Variants in CFAP91 observed in about 807,000 individuals in gnomAD.
The protein encoded by CFAP91 is cilia- and flagella-associated protein 91.
CFAP91 carries 85 observed loss-of-function variants against 95.9 expected under a neutral mutation model. The ratio of observed to expected loss-of-function variants is 0.89; its 90% confidence interval spans 0.74 to 1.06. The LOEUF (loss-of-function observed/expected upper bound fraction) is 1.06. Among genes scored for constraint, CFAP91 ranks in the 50% least tolerant of loss-of-function variants. The probability of loss-of-function intolerance (pLI) is 0.00; values close to 1 mark genes in which losing one functional copy is unlikely to be tolerated. For synonymous variants in CFAP91, 335 were observed against 327.5 expected, an observed-to-expected ratio of 1.02 and a Z score of -0.25; for missense variants, 962 against 943.4, an observed-to-expected ratio of 1.02 and a Z score of -0.26.
intron 6 of CFAP91, among the ~76,000 whole-genome samples, chr3:119,722,612 C>T (rs1218254753): frequency 6.6e-6 from 1 of 152,042 alleles, no homozygotes; most frequent in Non-Finnish European, 1.5e-5. Context: ...CCCCATCCTC[C>T]CAAGTAGCTG....
chr3:119,758,015 T>C (rs941028438), intron 17 of CFAP91, among the ~76,000 whole-genome samples: 2 of 152,214 alleles, frequency 1.3e-5, no homozygotes, highest in Non-Finnish European at 2.9e-5. Context: ...CTATAATTTT[T>C]TGTTTTTTAT....
At chr3:119,759,480 C>T (rs986544972) in intron 17 of CFAP91, among the ~76,000 whole-genome samples, 3 of 151,862 alleles carry the variant, frequency 2.0e-5, no homozygotes, top group African/African-American at 7.2e-5. Context: ...TTAGGCTGCA[C>T]ATTGCTTTTA....
intron 5 of CFAP91, among the ~76,000 whole-genome samples, chr3:119,711,081 T>C (rs978840337): frequency 6.6e-6 from 1 of 152,216 alleles, no homozygotes. Flanking sequence ...CAAGGGTGCA[T>C]TTAAAGAATA....
chr3:119,744,235 A>G, intron 14 of CFAP91, 39 bp downstream of exon 14: 1 of 1,517,784 alleles, frequency 6.6e-7, no homozygotes, highest in South Asian at 1.2e-5. Flanking sequence ...GCTGCCTAGA[A>G]GGAGCCAAGT....
Position 119,743,948 on chromosome 3 carries a change from C to T in CFAP91, c.1681-27C>T, listed in dbSNP as rs370028524. The T allele has an allele frequency of 1.1e-4, 171 of 1,555,444 alleles. No homozygotes were observed. The African/African-American group carries it at 1.9e-3, about 18-fold the overall frequency. On this transcript the variant is annotated intron_variant, in intron 13 of 17. Coordinates refer to ENST00000273390, the MANE Select transcript of CFAP91 (RefSeq NM_033364.4). ...TCACCACTCATAATGGAATTTGTGT[C>T]CTTAAAGTTATGTTATTCTTTTCAA...
At chr3:119,722,313 G>T (rs1436678040) in intron 6 of CFAP91, among the ~76,000 whole-genome samples, 1 of 152,004 alleles carries the variant, frequency 6.6e-6, no homozygotes, top group Non-Finnish European at 1.5e-5. Context: ...AGAGAAATTA[G>T]CTGGGCATGG....
At position 119,747,277 on chromosome 3, in the gene CFAP91, G is replaced by T; in HGVS notation, c.2051+14G>T. 1 of 1,607,848 alleles carries T rather than the reference G, an allele frequency of 6.2e-7. No homozygotes were observed. The highest frequency in any genetic ancestry group is 1.1e-5 in the South Asian group (1 of 89,672). On this transcript the variant is annotated intron_variant, in intron 15 of 17. Transcript: ENST00000273390. ...AATGGAAAGCCGGTGTGTATCAAGA[G>T]AACAGATTGTAGAATGGACAGCCCA...
Position 119,766,307 on chromosome 3 carries a change from T to C in CFAP91, c.*1257T>C, listed in dbSNP as rs1283304142. 2.0e-5 allele frequency: 3 copies of C among 152,120 alleles called. No individual in the cohort carries two copies. Among genetic ancestry groups the C allele is most frequent in the Admixed American group, 2.0e-4 (3 of 15,282 alleles). The allele number at this position is 152,120 out of a possible 1,614,324, so 9.4% of individuals were successfully genotyped here. ...AGAAACAATAATCAGAGTTTAATAA[T>C]TAATTTTCTGAGTTTTTTTTTAAAA... On this transcript the variant is annotated 3_prime_UTR_variant, in exon 18 of 18. Coordinates refer to ENST00000273390, the MANE Select transcript of CFAP91 (RefSeq NM_033364.4).
chr3:119,761,874 A>G (rs748921906), intron 17 of CFAP91, among the ~76,000 whole-genome samples: 5 of 151,894 alleles, frequency 3.3e-5, no homozygotes, highest in Non-Finnish European at 7.4e-5. Flanking sequence ...CAAACCCACA[A>G]CTAACATCAT....
chr3:119,704,834 A>C (rs549496456), intron 1 of CFAP91, among the ~76,000 whole-genome samples: 1 of 152,318 alleles, frequency 6.6e-6, no homozygotes, highest in South Asian at 2.1e-4. Context: ...TTGTAGCCCA[A>C]TGCATCACTT....
Position 119,737,348 on chromosome 3 carries a change from T to C in CFAP91, c.1345-18T>C. On this transcript the variant is annotated intron_variant, in intron 10 of 17. Coordinates refer to ENST00000273390, the MANE Select transcript of CFAP91 (RefSeq NM_033364.4). Reference sequence around the variant, plus strand: ...TTTTTGTTAAAAAAAGAGATTATATTAATTGGCATTATTTCAGGCACTGTT... The same window carrying C: ...TTTTTGTTAAAAAAAGAGATTATATCAATTGGCATTATTTCAGGCACTGTT... 1 of 1,436,586 alleles carries C rather than the reference T, an allele frequency of 7.0e-7. No homozygotes were observed. Among genetic ancestry groups the C allele is most frequent in the South Asian group, 1.2e-5 (1 of 80,394 alleles). The allele number at this position is 1,436,586 out of a possible 1,614,324, so 89.0% of individuals were successfully genotyped here. A position where few individuals can be genotyped will look rare whatever the true frequency, so the allele number is the denominator to read the frequency against.
chr3:119,758,399 A>G (rs768045786), intron 17 of CFAP91, among the ~76,000 whole-genome samples: 2 of 152,192 alleles, frequency 1.3e-5, no homozygotes, highest in African/African-American at 2.4e-5. Flanking sequence ...TGTATTTCCT[A>G]TGCTATGAAA....
intron 13 of CFAP91, among the ~76,000 whole-genome samples, chr3:119,743,285 T>C (rs1458296765): frequency 6.6e-6 from 1 of 151,622 alleles, no homozygotes; most frequent in African/African-American, 2.4e-5. Flanking sequence ...GACTGGCTAA[T>C]TTTTGTATTT....
rs148476947 is a variant in CFAP91, at chr3:119,730,362, C to T, written c.1003C>T (p.Arg335Cys). The change falls in exon 8 of 18, where the codon CGC (arginine) becomes TGC (cysteine). Residue 335 changes from arginine (R) to cysteine (C), a missense_variant. Physicochemically the swap from Arg to Cys is radical, Grantham distance 180 (BLOSUM62 -3). Transcript: ENST00000273390. Reference protein sequence around the residue: ...GKEAKMAKIQRTHVSTIRKLV... With the variant: ...GKEAKMAKIQCTHVSTIRKLV... ...AGAGGCAAAAATGGCAAAAATTCAGCGCACGCATGTATCAAGTAATGGTGT... is the reference window on the plus strand; with the variant it reads ...AGAGGCAAAAATGGCAAAAATTCAGTGCACGCATGTATCAAGTAATGGTGT... The T allele has an allele frequency of 1.8e-4, 298 of 1,613,828 alleles. No homozygotes were observed. In the South Asian group the frequency reaches 2.1e-3, roughly 11 times the overall value.
rs747467653 is a variant in CFAP91 at position 119,708,689 on chromosome 3, C to T, written c.443+15C>T. On this transcript the variant is annotated intron_variant, in intron 4 of 17. Transcript: ENST00000273390. ...TACTTTGAAAGGTAGAACATAATTACTAATGAATATTTGAGCCCTAATATT... is the reference window on the plus strand; with the variant it reads ...TACTTTGAAAGGTAGAACATAATTATTAATGAATATTTGAGCCCTAATATT... The T allele has an allele frequency of 2.8e-6, 4 of 1,405,170 alleles. No individual in the cohort carries two copies. The allele number at this position is 1,405,170 out of a possible 1,614,324, so 87.0% of individuals were successfully genotyped here.
intron 9 of CFAP91, 78 bp from the exon 10 acceptor site, chr3:119,733,286 C>T (rs2053937777): frequency 6.8e-7 from 1 of 1,477,994 alleles, no homozygotes; most frequent in East Asian, 2.3e-5. Flanking sequence ...TGGCAAACAG[C>T]TACAAAAGTT....
intron 6 of CFAP91, among the ~76,000 whole-genome samples, chr3:119,721,600 G>A (rs929893745): frequency 4.6e-5 from 7 of 152,192 alleles, no homozygotes; most frequent in African/African-American, 9.7e-5. Flanking sequence ...GGGTATAGCT[G>A]ATAGGCTGGC....
intron 7 of CFAP91, among the ~76,000 whole-genome samples, chr3:119,728,210 A>G (rs1007623875): frequency 2.0e-5 from 3 of 152,172 alleles, no homozygotes; most frequent in African/African-American, 7.2e-5. Flanking sequence ...TGGAACACTT[A>G]TAGAGGGCTT....
At chr3:119,729,174 T>C (rs2053844720) in intron 7 of CFAP91, among the ~76,000 whole-genome samples, 1 of 152,110 alleles carries the variant, frequency 6.6e-6, no homozygotes, top group Non-Finnish European at 1.5e-5. Context: ...TTAGGAGTGA[T>C]ATGACCAGAC....
Sources: gnomAD v4.1 joint callset for allele counts (sites outside exome capture counted in the v4.1 genomes callset) on GRCh38, gnomAD v4.1.1 for gene constraint, MANE v1.5 for transcripts, NCBI Gene and HGNC (gene_info 2026-07-23, HGNC 2026-07-21) for gene names.